The following XBP1 variants were observed in gnomAD, a reference collection of about 807,000 sequenced individuals.
XBP1 encodes the protein X-box binding protein 1, also known as X-box-binding protein 1.
Under a neutral mutation model 34.6 loss-of-function variants are expected in XBP1, and 18 were observed. The observed-to-expected ratio is 0.52, with a 90% CI of 0.36 to 0.77. The LOEUF (loss-of-function observed/expected upper bound fraction) is 0.77. Among genes scored for constraint, XBP1 ranks in the 30% least tolerant of loss-of-function variants. The probability of loss-of-function intolerance (pLI) is 0.00; values close to 1 mark genes in which losing one functional copy is unlikely to be tolerated. For missense variants in XBP1, 422 were observed against 464.6 expected, an observed-to-expected ratio of 0.91 and a Z score of 0.84; for synonymous variants, 191 against 193.4, an observed-to-expected ratio of 0.99 and a Z score of 0.11.
rs567611592 is a variant in XBP1 at position 28,798,386 on chromosome 22, G to T, written c.324+671C>A. Among the ~76,000 whole-genome samples, 7 of 146,752 alleles carry T rather than the reference G, an allele frequency of 4.8e-5. No individual in the cohort carries two copies. In the South Asian group the frequency reaches 6.5e-4, roughly 14 times the overall value. ...CATGATCTCGTGATCTCAGCTCACT[G>T]CAACCTCCGCCTCCTGGGTTCAAGT... On this transcript the variant is annotated intron_variant, in intron 2 of 5. Transcript: ENST00000344347.
upstream of XBP1, chr22:28,800,529 C>T (rs933816042): frequency 4.7e-6 from 7 of 1,485,878 alleles, no homozygotes; most frequent in African/African-American, 5.9e-5. Flanking sequence ...CACCATAGCT[C>T]CAGACTACGC....
chr22:28,800,542 C>G (rs762464007), upstream of XBP1: 4 of 1,474,082 alleles, frequency 2.7e-6, no homozygotes, highest in Non-Finnish European at 3.6e-6. Context: ...GACTACGCAC[C>G]GCGCACCGCG....
At chr22:28,799,233 G>T in intron 1 of XBP1, 80 bp from the exon 2 acceptor site, 1 of 1,074,264 alleles carries the variant, frequency 9.3e-7, no homozygotes, top group Non-Finnish European at 1.4e-6. Context: ...ACCAGCTGGT[G>T]CTTTCATTTT....
exon 1 of XBP1, chr22:28,800,382 G>A: frequency 1.3e-6 from 2 of 1,537,508 alleles, no homozygotes; most frequent in East Asian, 2.6e-5. Context: ...CGCTGCCTCC[G>A]GGCTGGCCCC....
chr22:28,797,809 A>G (rs1198159582), intron 2 of XBP1, among the ~76,000 whole-genome samples: 1 of 151,196 alleles, frequency 6.6e-6, no homozygotes, highest in Admixed American at 6.6e-5. Flanking sequence ...TAATAATAAT[A>G]ATAATAATAT....
exon 6 of XBP1, chr22:28,795,393 G>A (rs1050392120): frequency 1.1e-5 from 17 of 1,557,314 alleles, no homozygotes; most frequent in Non-Finnish European, 1.5e-5. Flanking sequence ...TCTTCTACAG[G>A]TTCTTCCTTC....
At chr22:28,797,385 A>T (rs1207302350) in intron 2 of XBP1, among the ~76,000 whole-genome samples, 180 bp from the exon 3 acceptor site, 1 of 152,218 alleles carries the variant, frequency 6.6e-6, no homozygotes, top group East Asian at 1.9e-4. Flanking sequence ...CTACTTAATA[A>T]GTGCCACTTC....
exon 6 of XBP1, chr22:28,795,418 T>A: frequency 6.3e-7 from 1 of 1,575,084 alleles, no homozygotes. Context: ...AGACAATGAA[T>A]TCAGGGTGAT....
chr22:28,796,549 T>C (rs1251830365), intron 3 of XBP1: 1 of 193,536 alleles, frequency 5.2e-6, no homozygotes, highest in East Asian at 1.5e-4. Flanking sequence ...AAATTTGTCC[T>C]GAACATTACC....
In XBP1 at chr22:28,798,943, T is replaced by C; in HGVS notation, c.324+114A>G. The C allele has an allele frequency of 3.8e-5, 30 of 792,616 alleles. No individual in the cohort carries two copies. In the South Asian group the frequency reaches 5.1e-4, roughly 13 times the overall value. 49.1% of individuals were successfully genotyped at this position (792,616 alleles called of 1,614,324 possible). ...GCCTAGTTTAACTTTTAATCATATA[T>C]TCAATTGTATTCTAATAGGGGCTGA... On this transcript the variant is annotated intron_variant, in intron 2 of 5. Coordinates refer to ENST00000344347, the Ensembl canonical transcript of XBP1.
At chr22:28,797,374 G>C (rs2031770275) in intron 2 of XBP1, among the ~76,000 whole-genome samples, 169 bp from the exon 3 acceptor site, 1 of 152,210 alleles carries the variant, frequency 6.6e-6, no homozygotes, top group Non-Finnish European at 1.5e-5. Flanking sequence ...GGAAAAGCAA[G>C]CTACTTAATA....
intron 5 of XBP1, 143 bp from the exon 6 acceptor site, chr22:28,795,875 A>T: frequency 8.2e-7 from 1 of 1,213,924 alleles, no homozygotes; most frequent in African/African-American, 1.5e-5. Context: ...CCATTTATCT[A>T]CACTTCACTC....
intron 2 of XBP1, 22 bp from the exon 3 acceptor site, chr22:28,797,227 G>A (rs764415584): frequency 6.2e-7 from 1 of 1,607,500 alleles, no homozygotes. Flanking sequence ...TTCATAAGAG[G>A]CTATTAAAAC....
chr22:28,800,077 C>A, intron 1 of XBP1: 1 of 760,410 alleles, frequency 1.3e-6, no homozygotes, highest in Non-Finnish European at 2.4e-6. Context: ...TTAAAAAGTA[C>A]AGAAAAGAGC....
At chr22:28,799,647 C>A (rs1447271667) in intron 1 of XBP1, among the ~76,000 whole-genome samples, 1 of 152,166 alleles carries the variant, frequency 6.6e-6, no homozygotes, top group Admixed American at 6.5e-5. Flanking sequence ...AGGCAGTGAC[C>A]TGCTGATGGG....
exon 6 of XBP1, chr22:28,795,495 C>T (rs1389404126): frequency 6.8e-6 from 11 of 1,614,086 alleles, no homozygotes; most frequent in Non-Finnish European, 9.3e-6. Context: ...CTCTCTGTCT[C>T]AGAGGGTATC....
At chr22:28,796,945 A>G in intron 3 of XBP1, 132 bp downstream of exon 3, 1 of 1,206,872 alleles carries the variant, frequency 8.3e-7, no homozygotes, top group Non-Finnish European at 1.1e-6. Flanking sequence ...TGCCTGCATG[A>G]AAATGTCTTA....
chr22:28,800,308 C>T, exon 1 of XBP1: 1 of 1,557,120 alleles, frequency 6.4e-7, no homozygotes, highest in Non-Finnish European at 8.7e-7. Context: ...CTCCTCAGCG[C>T]CTTCTCCTCG....
chr22:28,798,302 C>CTTTTTTTTTTTTTTTTTT (rs71316865), intron 2 of XBP1, among the ~76,000 whole-genome samples: 8 of 123,388 alleles, frequency 6.5e-5, no homozygotes, highest in Admixed American at 1.6e-4. Flanking sequence ...CTTAGATTAA[C>CTTTTTTTTTTTTTTTTTT]TTTTTTTTTT....
Sources: allele counts gnomAD v4.1 joint callset (sites outside exome capture counted in the v4.1 genomes callset), GRCh38; gene constraint gnomAD v4.1.1; transcripts MANE v1.5; gene names NCBI Gene and HGNC (gene_info 2026-07-23, HGNC 2026-07-21).